The following KCND3 variants were observed in gnomAD, a reference collection of about 807,000 sequenced individuals.
KCND3 encodes A-type voltage-gated potassium channel KCND3.
Under a neutral mutation model 51.1 loss-of-function variants are expected in KCND3, and 9 were observed. That is an observed-to-expected ratio of 0.18 (90% CI 0.11 to 0.31). KCND3 has a LOEUF of 0.31. Among genes scored for constraint, KCND3 ranks in the 10% least tolerant of loss-of-function variants. The pLI is 1.00. For synonymous variants in KCND3, 349 were observed against 368.0 expected, an observed-to-expected ratio of 0.95 and a Z score of 0.59; for missense variants, 526 against 903.8, an observed-to-expected ratio of 0.58 and a Z score of 5.36.
At chr1:111,946,712 G>GT (rs1464543064) in intron 2 of KCND3, among the ~76,000 whole-genome samples, 10 of 152,328 alleles carry the variant, frequency 6.6e-5, no homozygotes, top group African/African-American at 2.4e-4. Flanking sequence ...TCTGAAGGTT[G>GT]TGTTCCTCTT....
intron 2 of KCND3, among the ~76,000 whole-genome samples, chr1:111,913,548 C>A (rs1671061556): frequency 6.6e-6 from 1 of 152,180 alleles, no homozygotes. Flanking sequence ...CAAAGTCCAA[C>A]ACCCTTTAAA....
chr1:111,922,308 T>A (rs1671509069), intron 2 of KCND3, among the ~76,000 whole-genome samples: 1 of 152,184 alleles, frequency 6.6e-6, no homozygotes, highest in African/African-American at 2.4e-5. Context: ...GCTAAGTGGT[T>A]TTCAATTTGT....
rs369904125 is a variant in KCND3 at position 111,795,587 on chromosome 1, C to A, written c.1107-8481G>T. Among the ~76,000 whole-genome samples the A allele has an allele frequency of 2.0e-4, 30 of 152,292 alleles. No individual in the cohort carries two copies. In the East Asian group the frequency reaches 4.4e-3, roughly 23 times the overall value. ...ACATCAGGCTTGTCTGACTTCAGAG[C>A]GTTCTGCTTTCTCGCTGGAGGAGGA... On this transcript the variant is annotated intron_variant, in intron 2 of 7. Coordinates refer to ENST00000302127, the MANE Select transcript of KCND3 (RefSeq NM_001378969.1).
At chr1:111,807,996 T>C (rs1031329559) in intron 2 of KCND3, among the ~76,000 whole-genome samples, 1 of 152,172 alleles carries the variant, frequency 6.6e-6, no homozygotes, top group Admixed American at 6.5e-5. Flanking sequence ...AAAACCCAAA[T>C]ACAAATTCTA....
chr1:111,967,598 T>C (rs1235630995), intron 2 of KCND3, among the ~76,000 whole-genome samples: 1 of 152,238 alleles, frequency 6.6e-6, no homozygotes, highest in African/African-American at 2.4e-5. Flanking sequence ...TGATGGCTGC[T>C]TTAGTCAAGG....
intron 2 of KCND3, among the ~76,000 whole-genome samples, chr1:111,918,936 G>C (rs183511373): frequency 6.6e-5 from 10 of 151,954 alleles, no homozygotes; most frequent in Admixed American, 6.6e-4. Context: ...CCCTGTAGAG[G>C]GGAGGCAGCT....
intron 2 of KCND3, among the ~76,000 whole-genome samples, chr1:111,858,062 C>T (rs1205797039): frequency 2.0e-5 from 3 of 152,088 alleles, no homozygotes; most frequent in Non-Finnish European, 2.9e-5. Context: ...TGGAGGTTGT[C>T]GGCTGCCGGT....
intron 2 of KCND3, among the ~76,000 whole-genome samples, chr1:111,978,798 A>G (rs1674784775): frequency 6.6e-6 from 1 of 152,296 alleles, no homozygotes; most frequent in Middle Eastern, 3.4e-3. Context: ...TGAGAATAGT[A>G]TCAGGTCAAG....
At chr1:111,882,366 A>T (rs1669372508) in intron 2 of KCND3, among the ~76,000 whole-genome samples, 1 of 152,220 alleles carries the variant, frequency 6.6e-6, no homozygotes, top group South Asian at 2.1e-4. Context: ...AGCAGGGCCC[A>T]GTGGCACTTC....
At chr1:111,806,442 A>G (rs973117248) in intron 2 of KCND3, among the ~76,000 whole-genome samples, 5 of 152,210 alleles carry the variant, frequency 3.3e-5, no homozygotes, top group Non-Finnish European at 7.3e-5. Context: ...TTGGGCTCAG[A>G]AAAATCGTGG....
intron 2 of KCND3, among the ~76,000 whole-genome samples, chr1:111,894,199 G>T (rs1669989198): frequency 6.6e-6 from 1 of 152,132 alleles, no homozygotes; most frequent in African/African-American, 2.4e-5. Flanking sequence ...TACCCCACTT[G>T]TTCACTCTGC....
chr1:111,984,823 C>T (rs1448226678), intron 1 of KCND3, among the ~76,000 whole-genome samples: 1 of 152,016 alleles, frequency 6.6e-6, no homozygotes, highest in African/African-American at 2.4e-5. Context: ...TCCCCTGGAC[C>T]CCTCCTATTA....
At chr1:111,856,525 G>A (rs1012239421) in intron 2 of KCND3, among the ~76,000 whole-genome samples, 8 of 152,132 alleles carry the variant, frequency 5.3e-5, no homozygotes, top group Non-Finnish European at 1.0e-4. Flanking sequence ...CTCCAAACCC[G>A]GGCTTCCTGC....
Position 111,957,949 on chromosome 1 carries a change from GA to G in KCND3, c.1106+23671del, listed in dbSNP as rs769166276. ...ATGTTGGTGGGGTAAAAAGAGGGGG[GA>G]AAGCACTCTCCAGTTGAGGTGAAAC... On this transcript the variant is annotated intron_variant, in intron 2 of 7. Coordinates refer to ENST00000302127, the MANE Select transcript of KCND3 (RefSeq NM_001378969.1). 4.6e-5 allele frequency among the ~76,000 whole-genome samples: 7 copies of G among 152,208 alleles called. No individual in the cohort carries two copies. In the South Asian group the frequency reaches 6.2e-4, roughly 14 times the overall value.
intron 2 of KCND3, among the ~76,000 whole-genome samples, chr1:111,877,687 A>T (rs996153883): frequency 1.3e-5 from 2 of 152,196 alleles, no homozygotes; most frequent in African/African-American, 4.8e-5. Flanking sequence ...TCCCACATCC[A>T]CCTGGCCGCT....
intron 2 of KCND3, among the ~76,000 whole-genome samples, chr1:111,891,278 A>G (rs12403840): frequency 1.3e-5 from 2 of 152,248 alleles, no homozygotes; most frequent in African/African-American, 2.4e-5. Flanking sequence ...GAGATGAATC[A>G]GACCATTCTT....
chr1:111,854,868 G>A (rs1482352280), intron 2 of KCND3, among the ~76,000 whole-genome samples: 1 of 152,190 alleles, frequency 6.6e-6, no homozygotes, highest in African/African-American at 2.4e-5. Context: ...GCTACTCTTT[G>A]AAAAGGGGTG....
intron 2 of KCND3, among the ~76,000 whole-genome samples, chr1:111,946,040 G>T (rs1026751091): frequency 3.9e-5 from 6 of 152,238 alleles, no homozygotes; most frequent in African/African-American, 1.4e-4. Context: ...TATTAAGTGT[G>T]TACATAATGA....
chr1:111,820,088 T>C (rs892960785), intron 2 of KCND3, among the ~76,000 whole-genome samples: 4 of 152,256 alleles, frequency 2.6e-5, no homozygotes, highest in Non-Finnish European at 5.9e-5. Flanking sequence ...CAACTCCTCA[T>C]GCTCTGTGGT....
Sources: allele counts gnomAD v4.1 joint callset (sites outside exome capture counted in the v4.1 genomes callset), GRCh38; gene constraint gnomAD v4.1.1; transcripts MANE v1.5; gene names NCBI Gene and HGNC (gene_info 2026-07-23, HGNC 2026-07-21).